The following ARHGAP22 variants were observed in gnomAD, a reference collection of about 807,000 sequenced individuals.
ARHGAP22 encodes the protein rho GTPase-activating protein 22.
A neutral mutation model predicts 59.1 loss-of-function variants in ARHGAP22; 48 were observed. The observed-to-expected ratio is 0.81, with a 90% CI of 0.64 to 1.03. The LOEUF (loss-of-function observed/expected upper bound fraction) is 1.03, where lower values mean the gene tolerates loss of function less well. ARHGAP22 is among the 50% of genes least tolerant of loss of function. The pLI, the probability that ARHGAP22 is intolerant of heterozygous loss-of-function variation, is 0.00. For synonymous variants in ARHGAP22, 445 were observed against 416.4 expected (o/e 1.07, Z -0.84); for missense variants, 1,015 against 958.7 (o/e 1.06, Z -0.78).
At chr10:48,649,539 C>T (rs1027652063) in intron 1 of ARHGAP22, among the ~76,000 whole-genome samples, 7 of 152,142 alleles carry the variant, frequency 4.6e-5, no homozygotes, top group East Asian at 1.9e-4. Context: ...ACTGTGATCC[C>T]GAGGCACAGT....
At chr10:48,557,123 G>A (rs1345110) in intron 2 of ARHGAP22, among the ~76,000 whole-genome samples, 23,279 of 152,208 alleles carry the variant, frequency 0.15, 1,883 homozygotes, top group Admixed American at 0.23. Flanking sequence ...TAACTGAATT[G>A]ATGGTTACTT....
chr10:48,462,471 A>G (rs1034245678), intron 4 of ARHGAP22, among the ~76,000 whole-genome samples: 1 of 152,192 alleles, frequency 6.6e-6, no homozygotes, highest in African/African-American at 2.4e-5. Context: ...GGGCTTAAGA[A>G]TGTGCCCAAG....
chr10:48,494,955 T>C (rs2050768378), intron 3 of ARHGAP22, among the ~76,000 whole-genome samples: 3 of 152,196 alleles, frequency 2.0e-5, no homozygotes, highest in Admixed American at 1.3e-4. Context: ...TCAGCTCAAA[T>C]GTACATTACA....
At chr10:48,475,660 C>G (rs1055187256) in intron 4 of ARHGAP22, among the ~76,000 whole-genome samples, 2 of 152,182 alleles carry the variant, frequency 1.3e-5, no homozygotes, top group Admixed American at 6.5e-5. Flanking sequence ...CAGAATAAAT[C>G]AAGAATTCAA....
intron 3 of ARHGAP22, among the ~76,000 whole-genome samples, chr10:48,542,055 C>T (rs755630558): frequency 2.0e-5 from 3 of 152,184 alleles, no homozygotes; most frequent in Non-Finnish European, 4.4e-5. Flanking sequence ...GGGAGCTGTG[C>T]ATGCCCAGCC....
intron 1 of ARHGAP22, among the ~76,000 whole-genome samples, chr10:48,643,830 T>C (rs1462146894): frequency 2.0e-5 from 3 of 151,526 alleles, no homozygotes; most frequent in South Asian, 2.1e-4. Flanking sequence ...CATGTTAATA[T>C]ATGATAAAAT....
rs34557935 is a variant in ARHGAP22, at chr10:48,577,801, G to GTTTTTTTTTTTTTTTTTT, written c.234+5134_234+5151dup. Reference sequence around the variant, plus strand: ...TCTGAGATCTAACTGCTCTTTTTTGGTTTTTTTTTTTTTTTTTTTTTTTTT... The same window carrying GTTTTTTTTTTTTTTTTTT: ...TCTGAGATCTAACTGCTCTTTTTTGGTTTTTTTTTTTTTTTTTTTTTTTTTTTTTTTTTTTTTTTTTTT... On this transcript the variant is annotated intron_variant, in intron 2 of 9. Transcript: ENST00000249601. Among the ~76,000 whole-genome samples, 40 of 59,162 alleles carry GTTTTTTTTTTTTTTTTTT rather than the reference G, an allele frequency of 6.8e-4. 5 individuals are homozygous for GTTTTTTTTTTTTTTTTTT. The highest frequency in any genetic ancestry group is 8.7e-4 in the Admixed American group (3 of 3,442). The allele number at this position is 59,162 out of a possible 152,430, so 38.8% of individuals were successfully genotyped here.
At chr10:48,523,549 C>CT (rs1222260233) in intron 3 of ARHGAP22, among the ~76,000 whole-genome samples, 2 of 152,236 alleles carry the variant, frequency 1.3e-5, no homozygotes, top group East Asian at 1.9e-4. Context: ...TTGGAAAACT[C>CT]TGAGTCAGGG....
the ARHGAP22 span, among the ~76,000 whole-genome samples, chr10:48,432,482 A>G: frequency 6.6e-6 from 1 of 152,094 alleles, no homozygotes; most frequent in Non-Finnish European, 1.5e-5. Context: ...TATTTTGGAA[A>G]TGGCCTTTTC....
At chr10:48,476,017 C>A (rs376019894) in intron 4 of ARHGAP22, among the ~76,000 whole-genome samples, 1 of 152,190 alleles carries the variant, frequency 6.6e-6, no homozygotes, top group South Asian at 2.1e-4. Flanking sequence ...CAAACCCTAA[C>A]CCTATCTCTT....
chr10:48,516,811 C>A (rs147730881), intron 3 of ARHGAP22, among the ~76,000 whole-genome samples: 1 of 152,102 alleles, frequency 6.6e-6, no homozygotes, highest in Non-Finnish European at 1.5e-5. Context: ...AGACCAATAT[C>A]TCTTATAAAT....
chr10:48,583,873 C>A (rs1192684353), intron 1 of ARHGAP22, among the ~76,000 whole-genome samples: 1 of 152,214 alleles, frequency 6.6e-6, no homozygotes, highest in African/African-American at 2.4e-5. Context: ...TACCCCAGAG[C>A]CTCTGAGTGC....
chr10:48,599,688 G>A (rs2060269323), intron 1 of ARHGAP22, among the ~76,000 whole-genome samples: 1 of 152,226 alleles, frequency 6.6e-6, no homozygotes, highest in African/African-American at 2.4e-5. Flanking sequence ...ACTCCACAGG[G>A]TGCCCACTGC....
In ARHGAP22 at chr10:48,604,935, C is replaced by A. The variant is rs992897344; in HGVS notation, c.-139G>T. On this transcript the variant is annotated 5_prime_UTR_variant, in exon 1 of 10. The change creates a premature stop within an existing upstream ORF in the 5' untranslated region. Transcript: ENST00000249601. ...GCCGCTGGCGTCACCCGTCAGGCTC[C>A]CTCGGCTACCTCTCCTGGCTCCGGA... The A allele has an allele frequency of 1.9e-6, 3 of 1,545,798 alleles. No individual in the cohort carries two copies. The African/African-American group carries it at 4.1e-5, about 21-fold the overall frequency.
At chr10:48,582,676 A>G (rs2059189620) in intron 2 of ARHGAP22, 1 of 500,176 alleles carries the variant, frequency 2.0e-6, no homozygotes, top group Admixed American at 3.7e-5. Flanking sequence ...CAAAAAGAAC[A>G]TGGAAGACGT....
chr10:48,470,441 G>A (rs2048127014), intron 4 of ARHGAP22, among the ~76,000 whole-genome samples: 1 of 152,222 alleles, frequency 6.6e-6, no homozygotes, highest in Non-Finnish European at 1.5e-5. Context: ...CATTTCCTCT[G>A]CCTTGGGGAT....
intron 4 of ARHGAP22, among the ~76,000 whole-genome samples, chr10:48,474,724 G>T (rs955918810): frequency 5.9e-5 from 8 of 135,546 alleles, no homozygotes; most frequent in Non-Finnish European, 1.3e-4. Context: ...ACGGTCATGT[G>T]TTTTTGTCCT....
At chr10:48,645,476 A>G (rs2062253061) in intron 1 of ARHGAP22, among the ~76,000 whole-genome samples, 1 of 152,230 alleles carries the variant, frequency 6.6e-6, no homozygotes, top group Non-Finnish European at 1.5e-5. Flanking sequence ...GAAAAAATCA[A>G]TTAATGTTGT....
At chr10:48,503,087 T>TC (rs1422299220) in intron 3 of ARHGAP22, among the ~76,000 whole-genome samples, 1 of 152,172 alleles carries the variant, frequency 6.6e-6, no homozygotes, top group Non-Finnish European at 1.5e-5. Flanking sequence ...TGGCCAGGCC[T>TC]CCGCAGTAAG....
Sources: allele counts gnomAD v4.1 joint callset (sites outside exome capture counted in the v4.1 genomes callset), GRCh38; gene constraint gnomAD v4.1.1; transcripts MANE v1.5; gene names NCBI Gene and HGNC (gene_info 2026-07-23, HGNC 2026-07-21).